The following TMEM71 variants were observed in gnomAD, a reference collection of about 807,000 sequenced individuals.
TMEM71 encodes the protein transmembrane protein 71.
In TMEM71, 44 loss-of-function variants were observed where a neutral mutation model predicts 38.0. The ratio of observed to expected loss-of-function variants is 1.16; its 90% CI spans 0.91 to 1.49. TMEM71 has a LOEUF of 1.49. TMEM71 is among the 40% of genes most tolerant of loss of function. TMEM71 has a pLI of 0.00. For missense variants in TMEM71, 367 were observed against 348.6 expected, an observed-to-expected ratio of 1.05 and a Z score of -0.42; for synonymous variants, 133 against 122.5, an observed-to-expected ratio of 1.09 and a Z score of -0.56.
intron 3 of TMEM71, among the ~76,000 whole-genome samples, chr8:132,756,411 T>A (rs867297425): frequency 2.4e-4 from 28 of 115,808 alleles, no homozygotes; most frequent in African/African-American, 3.3e-4. Context: ...AACATATATA[T>A]TATATATATA....
upstream of TMEM71, among the ~76,000 whole-genome samples, chr8:132,762,652 C>T (rs572318594): frequency 6.6e-6 from 1 of 152,290 alleles, no homozygotes; most frequent in African/African-American, 2.4e-5. Flanking sequence ...TTATTATTCT[C>T]ATTTTACAGA....
downstream of TMEM71, among the ~76,000 whole-genome samples, chr8:132,707,906 G>C (rs1214674241): frequency 3.9e-5 from 6 of 152,244 alleles, no homozygotes; most frequent in African/African-American, 1.4e-4. Context: ...AATAAGTACA[G>C]GAACCTCGTC....
the TMEM71 span, among the ~76,000 whole-genome samples, chr8:132,769,858 A>G: frequency 6.6e-6 from 1 of 152,246 alleles, no homozygotes; most frequent in South Asian, 2.1e-4. Flanking sequence ...AAACAAATAA[A>G]TTAATGATGA....
chr8:132,733,227 G>C (rs560987424), intron 5 of TMEM71, among the ~76,000 whole-genome samples: 1 of 152,108 alleles, frequency 6.6e-6, no homozygotes, highest in South Asian at 2.1e-4. Context: ...TGAGAAAAAG[G>C]TCACTTCATC....
At position 132,710,449 on chromosome 8, in the gene TMEM71, T is replaced by C. The variant is rs1826179216; in HGVS notation, c.*518A>G. On this transcript the variant is annotated 3_prime_UTR_variant, in exon 10 of 10. Coordinates refer to ENST00000677595, the MANE Select transcript of TMEM71 (RefSeq NM_001382403.1). ...CTAATATCAAGTCACTCCACTGAGG[T>C]GAATGACAAACTTTTGCAGCATTAT... The C allele has an allele frequency of 5.9e-6, 1 of 168,776 alleles. No homozygotes were observed. The highest frequency in any genetic ancestry group is 1.3e-5 in the Non-Finnish European group (1 of 79,808). 10.5% of individuals were successfully genotyped at this position (168,776 alleles called of 1,614,324 possible).
At chr8:132,714,399 T>C (rs187848110) in intron 7 of TMEM71, among the ~76,000 whole-genome samples, 184 bp from the exon 8 acceptor site, 233 of 152,280 alleles carry the variant, frequency 1.5e-3, no homozygotes, top group Non-Finnish European at 2.5e-3. Context: ...AGCCCAGAAG[T>C]AGACTTATGC....
intron 5 of TMEM71, among the ~76,000 whole-genome samples, chr8:132,738,910 C>CA (rs1827889037): frequency 6.6e-6 from 1 of 152,038 alleles, no homozygotes. Context: ...GTGGAATCTT[C>CA]ATGGCATTGT....
At chr8:132,775,425 G>C in the TMEM71 span, 2 of 385,868 alleles carry the variant, frequency 5.2e-6, no homozygotes, top group East Asian at 7.6e-5. Flanking sequence ...CGGCGGCGGC[G>C]ATGGCAGCGG....
At chr8:132,738,599 C>A (rs146914941) in intron 5 of TMEM71, among the ~76,000 whole-genome samples, 9 of 152,238 alleles carry the variant, frequency 5.9e-5, no homozygotes, top group Admixed American at 2.6e-4. Flanking sequence ...TTAAGAGAAT[C>A]AAAAAATATT....
At position 132,760,466 on chromosome 8, in the gene TMEM71, C is replaced by A. The variant is rs1829267154; in HGVS notation, c.-37+10G>T. ...GCAGAAGTCTCTTAATAAAGGGAAT[C>A]CCACCCTACCTTCTTCTCACAGATG... On this transcript the variant is annotated intron_variant, in intron 1 of 9. Transcript: ENST00000677595. The A allele has an allele frequency of 6.6e-6, 1 of 152,230 alleles. No homozygotes were observed. The highest frequency in any genetic ancestry group is 2.1e-4 in the South Asian group (1 of 4,834). 9.4% of individuals were successfully genotyped at this position (152,230 alleles called of 1,614,324 possible).
chr8:132,723,714 T>C (rs771065706), intron 6 of TMEM71, among the ~76,000 whole-genome samples: 9 of 152,216 alleles, frequency 5.9e-5, no homozygotes, highest in Non-Finnish European at 1.2e-4. Context: ...ATATTTTCCT[T>C]GAGGAATCAC....
chr8:132,715,722 A>C (rs932678116), intron 7 of TMEM71, among the ~76,000 whole-genome samples: 2 of 152,238 alleles, frequency 1.3e-5, no homozygotes, highest in African/African-American at 4.8e-5. Context: ...ACTGTGGTAC[A>C]TCCATACAAT....
At chr8:132,747,561 G>T (rs992176376) in intron 4 of TMEM71, among the ~76,000 whole-genome samples, 4 of 152,180 alleles carry the variant, frequency 2.6e-5, no homozygotes, top group African/African-American at 7.2e-5. Context: ...TAACATAGTT[G>T]GGATGCAATC....
chr8:132,775,412 C>T, the TMEM71 span: 4 of 383,058 alleles, frequency 1.0e-5, no homozygotes, highest in African/African-American at 2.1e-5. Context: ...GCGGAGGCGG[C>T]GGCGGCGGCG....
intron 4 of TMEM71, among the ~76,000 whole-genome samples, chr8:132,749,292 G>T (rs957926788): frequency 1.3e-5 from 2 of 152,198 alleles, no homozygotes; most frequent in Non-Finnish European, 2.9e-5. Context: ...GAAGAAAATA[G>T]CTATGGGAAG....
At chr8:132,723,704 A>G (rs1230465989) in intron 6 of TMEM71, among the ~76,000 whole-genome samples, 1 of 152,200 alleles carries the variant, frequency 6.6e-6, no homozygotes, top group Non-Finnish European at 1.5e-5. Flanking sequence ...GACAGTGCTC[A>G]TATTTTCCTT....
intron 4 of TMEM71, among the ~76,000 whole-genome samples, chr8:132,747,375 G>A (rs1239750341): frequency 2.0e-5 from 3 of 152,178 alleles, no homozygotes; most frequent in African/African-American, 7.2e-5. Context: ...TATAGGTAAT[G>A]CTTTCCTAGA....
intron 7 of TMEM71, among the ~76,000 whole-genome samples, chr8:132,720,044 T>G (rs1826755284): frequency 6.6e-6 from 1 of 152,182 alleles, no homozygotes; most frequent in Non-Finnish European, 1.5e-5. Flanking sequence ...AATTTTTTTT[T>G]TCTGCTATTT....
intron 5 of TMEM71, among the ~76,000 whole-genome samples, chr8:132,729,257 A>G (rs1301871777): frequency 6.6e-6 from 1 of 152,212 alleles, no homozygotes; most frequent in Non-Finnish European, 1.5e-5. Flanking sequence ...CTTCCTTGGA[A>G]AGGATGAATG....
Sources: allele counts gnomAD v4.1 joint callset (sites outside exome capture counted in the v4.1 genomes callset), GRCh38; gene constraint gnomAD v4.1.1; transcripts MANE v1.5; gene names NCBI Gene and HGNC (gene_info 2026-07-23, HGNC 2026-07-21).